The following ZNF239 variants were observed in gnomAD, a reference collection of about 807,000 sequenced individuals.
ZNF239 encodes zinc finger protein 239, also known as zinc finger protein (C2H2) homologous to mouse MOK-2.
A neutral mutation model predicts 27.5 loss-of-function variants in ZNF239; 16 were observed. That is an observed-to-expected ratio of 0.58 (90% CI 0.39 to 0.88). The LOEUF (loss-of-function observed/expected upper bound fraction) is 0.88, where lower values mean the gene tolerates loss of function less well. Among genes scored for constraint, ZNF239 ranks in the 40% least tolerant of loss-of-function variants. The pLI, the probability that ZNF239 is intolerant of heterozygous loss-of-function variation, is 0.00. For synonymous variants in ZNF239, 199 were observed against 192.6 expected (o/e 1.03, Z -0.27); for missense variants, 527 against 551.9 (o/e 0.95, Z 0.45).
rs1183770278 is a variant in ZNF239, at chr10:43,557,086, A to C, written c.994T>G (p.Ser332Ala). The change falls in exon 4 of 4, where the codon TCA becomes GCA. Residue 332 changes from serine to alanine, a missense_variant. Transcript: ENST00000374446. ...ACTCGCTGGTGGATGTGCAGGTTTG[A>C]GCGCTGACTGAAGCTCATACCACAC... ...EECGMSFSQR[S>A]NLHIHQRVHT... 3 of 1,613,370 alleles carry C rather than the reference A, an allele frequency of 1.9e-6. No homozygotes were observed. In the Admixed American group the frequency reaches 5.0e-5, roughly 27 times the overall value.
At chr10:43,558,550 G>A (rs1836981705) in intron 3 of ZNF239, among the ~76,000 whole-genome samples, 1 of 152,098 alleles carries the variant, frequency 6.6e-6, no homozygotes, top group Non-Finnish European at 1.5e-5. Flanking sequence ...CCAGGTTCAA[G>A]CAATTTTCCC....
At position 43,557,000 on chromosome 10, in the gene ZNF239, C is replaced by A; in HGVS notation, c.1080G>T (p.Ser360=). Reference sequence around the variant, plus strand: ...GGATGCACCGGTGAATGTGAAGGTTCGAGCTCTGACTGAAGCCCTTCCCAC... The same window carrying A: ...GGATGCACCGGTGAATGTGAAGGTTAGAGCTCTGACTGAAGCCCTTCCCAC... ...GECGKGFSQS[S]NLHIHRCIHT... Residue 360 remains serine (S), a synonymous_variant, in exon 4 of 4, where the codon TCG becomes TCT. Coordinates refer to ENST00000374446, the MANE Select transcript of ZNF239 (RefSeq NM_001099282.2). 3 of 1,611,770 alleles carry A rather than the reference C, an allele frequency of 1.9e-6. No homozygotes were observed. The highest frequency in any genetic ancestry group is 2.5e-6 in the Non-Finnish European group (3 of 1,179,438).
intron 3 of ZNF239, among the ~76,000 whole-genome samples, chr10:43,564,576 C>T (rs1837503996): frequency 1.3e-5 from 2 of 152,140 alleles, no homozygotes; most frequent in South Asian, 4.2e-4. Flanking sequence ...GGGTCTCACT[C>T]TGTTGCCCAG....
intron 2 of ZNF239, chr10:43,570,443 C>A: frequency 1.0e-6 from 1 of 985,298 alleles, no homozygotes; most frequent in Non-Finnish European, 1.2e-6. Flanking sequence ...ACCTTCTCTT[C>A]AGACCACAGA....
chr10:43,558,962 C>A (rs1398136424), intron 3 of ZNF239, among the ~76,000 whole-genome samples: 1 of 152,030 alleles, frequency 6.6e-6, no homozygotes, highest in East Asian at 1.9e-4. Context: ...CACGAAAGCA[C>A]AGCAGAGGAA....
At chr10:43,568,999 GAACA>G (rs777812526) in intron 2 of ZNF239, among the ~76,000 whole-genome samples, 72 of 152,154 alleles carry the variant, frequency 4.7e-4, no homozygotes, top group South Asian at 2.1e-3. Flanking sequence ...GCAGTGAGTT[GAACA>G]AACAAACAAA....
At chr10:43,564,883 C>T (rs1325592809) in intron 3 of ZNF239, among the ~76,000 whole-genome samples, 4 of 151,916 alleles carry the variant, frequency 2.6e-5, no homozygotes, top group Non-Finnish European at 4.4e-5. Flanking sequence ...ACTGGAACAA[C>T]TTTAATACTG....
chr10:43,567,589 T>C (rs754458633), intron 3 of ZNF239, among the ~76,000 whole-genome samples: 6 of 152,210 alleles, frequency 3.9e-5, no homozygotes, highest in Non-Finnish European at 7.3e-5. Context: ...CTTGCCATGA[T>C]GCCTGGTGCT....
Position 43,557,848 on chromosome 10 carries a change from A to T in ZNF239, c.232T>A (p.Ser78Thr). ...VSSQIDTQDSSVKFCKNEPQD... is the reference protein window; with the variant it reads ...VSSQIDTQDSTVKFCKNEPQD... ...GGCTCATTCTTACAGAACTTCACTG[A>T]AGAGTCTTGTGTGTCTATTTGGCTT... The change falls in exon 4 of 4, where the codon TCA becomes ACA. Residue 78 changes from serine (S) to threonine (T), a missense_variant. By Grantham distance (58) the Ser-to-Thr change is moderately conservative. Coordinates refer to ENST00000374446, the MANE Select transcript of ZNF239 (RefSeq NM_001099282.2). 6.2e-7 allele frequency: 1 copy of T among 1,614,228 alleles called. No homozygotes were observed. The highest frequency in any genetic ancestry group is 1.7e-5 in the Admixed American group (1 of 60,026).
chr10:43,574,128 A>C (rs576605862), intron 1 of ZNF239, among the ~76,000 whole-genome samples: 1 of 152,326 alleles, frequency 6.6e-6, no homozygotes, highest in African/African-American at 2.4e-5. Context: ...CAGAAACCTC[A>C]GTCTCTTACA....
chr10:43,571,584 AGTCTCACT>A (rs1838041200), intron 2 of ZNF239, among the ~76,000 whole-genome samples: 1 of 152,048 alleles, frequency 6.6e-6, no homozygotes, highest in Non-Finnish European at 1.5e-5. Flanking sequence ...TTTGAAACAG[AGTCTCACT>A]CTGTTGCCCA....
intron 2 of ZNF239, chr10:43,570,452 G>A (rs1423359858): frequency 2.0e-6 from 2 of 984,704 alleles, no homozygotes; most frequent in Non-Finnish European, 2.4e-6. Flanking sequence ...TCAGACCACA[G>A]AGAAAAAAAA....
At chr10:43,566,264 C>T (rs1837643677) in intron 3 of ZNF239, among the ~76,000 whole-genome samples, 1 of 151,982 alleles carries the variant, frequency 6.6e-6, no homozygotes, top group South Asian at 2.1e-4. Flanking sequence ...GGCAAAAACC[C>T]TGAAAGCTAA....
rs1290338402 is a variant in ZNF239 at position 43,556,666 on chromosome 10, T to A, written c.*37A>T. The A allele has an allele frequency of 6.3e-7, 1 of 1,591,548 alleles. No homozygotes were observed. Among genetic ancestry groups the A allele is most frequent in the South Asian group, 1.1e-5 (1 of 87,766 alleles). ...ACTAAATATTTAACAGTTTTTACAGTATGAGCGCTGTGAAGACCTGAATGG... is the reference window on the plus strand; with the variant it reads ...ACTAAATATTTAACAGTTTTTACAGAATGAGCGCTGTGAAGACCTGAATGG... On this transcript the variant is annotated 3_prime_UTR_variant, in exon 4 of 4. Transcript: ENST00000374446.
intron 3 of ZNF239, among the ~76,000 whole-genome samples, chr10:43,564,719 G>T (rs954740594): frequency 6.6e-5 from 10 of 151,880 alleles, no homozygotes; most frequent in African/African-American, 2.4e-4. Flanking sequence ...TTTGTAGAAG[G>T]GGTTTTGCCA....
At chr10:43,568,312 C>G (rs1439115958) in intron 2 of ZNF239, 2 of 985,344 alleles carry the variant, frequency 2.0e-6, no homozygotes, top group African/African-American at 3.5e-5. Flanking sequence ...GAGTTGTCAT[C>G]TTCACCCCAT....
In ZNF239 at chr10:43,557,975, T is replaced by A; in HGVS notation, c.105A>T (p.Glu35Asp). The A allele has an allele frequency of 6.2e-7, 1 of 1,614,184 alleles. No individual in the cohort carries two copies. The highest frequency in any genetic ancestry group is 8.5e-7 in the Non-Finnish European group (1 of 1,180,022). The change falls in exon 4 of 4, where the codon GAA becomes GAT. Residue 35 changes from glutamate (E) to aspartate (D), a missense_variant. Coordinates refer to ENST00000374446, the MANE Select transcript of ZNF239 (RefSeq NM_001099282.2). ...LDISPCQQWG[E>D]ASSPISRNRD... is the part of the protein sequence containing the mutation. ...TGTTTCTGGAAATAGGAGAAGATGC[T>A]TCTCCCCACTGTTGACAAGGGGAAA...
At chr10:43,569,884 T>C (rs1837924239) in intron 2 of ZNF239, among the ~76,000 whole-genome samples, 1 of 152,192 alleles carries the variant, frequency 6.6e-6, no homozygotes, top group South Asian at 2.1e-4. Context: ...TCAGCAAATC[T>C]GGTTCCCTTC....
At chr10:43,573,490 G>T in intron 2 of ZNF239, 147 bp downstream of exon 2, 2 of 383,456 alleles carry the variant, frequency 5.2e-6, no homozygotes, top group Non-Finnish European at 7.1e-6. Flanking sequence ...GACATCATCT[G>T]CTAGCTACAT....
Sources: allele counts gnomAD v4.1 joint callset (sites outside exome capture counted in the v4.1 genomes callset), GRCh38; gene constraint gnomAD v4.1.1; transcripts MANE v1.5; gene names NCBI Gene and HGNC (gene_info 2026-07-23, HGNC 2026-07-21).